POU2F1: variants seen among roughly 807,000 people sequenced by gnomAD.
POU2F1 encodes the protein POU domain, class 2, transcription factor 1.
A neutral mutation model predicts 84.9 loss-of-function variants in POU2F1; 16 were observed. The ratio of observed to expected loss-of-function variants is 0.19; its 90% CI spans 0.13 to 0.29. POU2F1 has a LOEUF of 0.29. POU2F1 is among the 10% of genes least tolerant of loss of function. The probability of loss-of-function intolerance (pLI) is 1.00; values close to 1 mark genes in which losing one functional copy is unlikely to be tolerated. For missense variants in POU2F1, 738 were observed against 942.6 expected, an observed-to-expected ratio of 0.78 and a Z score of 2.84; for synonymous variants, 368 against 368.3, an observed-to-expected ratio of 1.00 and a Z score of 0.01.
At chr1:167,384,342 C>CT (rs1033150564) in intron 8 of POU2F1, among the ~76,000 whole-genome samples, 2 of 152,048 alleles carry the variant, frequency 1.3e-5, no homozygotes, top group Admixed American at 6.6e-5. Context: ...TCTATATTTT[C>CT]TTTTTTCTCA....
intron 9 of POU2F1, among the ~76,000 whole-genome samples, chr1:167,394,936 A>G (rs970571346): frequency 1.3e-5 from 2 of 152,220 alleles, no homozygotes; most frequent in Admixed American, 1.3e-4. Flanking sequence ...GTAGGGGGGA[A>G]TCAAAAGACT....
chr1:167,339,053 A>G (rs1433467380), intron 2 of POU2F1, among the ~76,000 whole-genome samples: 2 of 152,010 alleles, frequency 1.3e-5, no homozygotes, highest in Non-Finnish European at 2.9e-5. Context: ...TGGAAAGTCC[A>G]TTTCCTTCTC....
intron 1 of POU2F1, among the ~76,000 whole-genome samples, chr1:167,309,636 C>T (rs147728575): frequency 1.3e-5 from 2 of 152,240 alleles, no homozygotes; most frequent in African/African-American, 2.4e-5. Context: ...ACTACACCAC[C>T]TTTGGTTAAT....
chr1:167,225,259 C>T (rs1426474851), intron 1 of POU2F1, among the ~76,000 whole-genome samples: 1 of 152,172 alleles, frequency 6.6e-6, no homozygotes. Flanking sequence ...AAACCATTAC[C>T]GTAAAAGCAA....
At chr1:167,221,158 G>GA (rs1261608186) in intron 1 of POU2F1, among the ~76,000 whole-genome samples, 200 bp downstream of exon 1, 2 of 151,548 alleles carry the variant, frequency 1.3e-5, no homozygotes, top group Non-Finnish European at 2.9e-5. Context: ...GGCGGAGGGG[G>GA]AAGACAAGGG....
rs1046159135 is a variant in POU2F1 at position 167,273,797 on chromosome 1, G to A, written c.61+52839G>A. ...GTATGGACAAGAACTTGAACTTGTG[G>A]TCTTTCCCCTCTCATCAGCTTCATA... On this transcript the variant is annotated intron_variant, in intron 1 of 15. Coordinates refer to ENST00000367866, the MANE Select transcript of POU2F1 (RefSeq NM_002697.4). Among the ~76,000 whole-genome samples the A allele has an allele frequency of 3.3e-5, 5 of 152,320 alleles. No individual in the cohort carries two copies. The South Asian group carries it at 6.2e-4, about 19-fold the overall frequency.
intron 1 of POU2F1, among the ~76,000 whole-genome samples, chr1:167,324,862 GT>G (rs1256691581): frequency 1.3e-5 from 2 of 152,178 alleles, no homozygotes; most frequent in African/African-American, 4.8e-5. Flanking sequence ...ATTCCGTTAA[GT>G]TATTCTAAAA....
At chr1:167,221,579 G>C (rs1357085278) in intron 1 of POU2F1, among the ~76,000 whole-genome samples, 1 of 150,104 alleles carries the variant, frequency 6.7e-6, no homozygotes, top group Non-Finnish European at 1.5e-5. Context: ...TGCCCGCCTT[G>C]GGGGGCGGCC....
chr1:167,291,728 T>C (rs1653936109), intron 1 of POU2F1, among the ~76,000 whole-genome samples: 1 of 152,184 alleles, frequency 6.6e-6, no homozygotes, highest in Admixed American at 6.5e-5. Flanking sequence ...GTATAACATT[T>C]CCTTTTACAG....
At chr1:167,397,230 C>T (rs1351625971) in intron 10 of POU2F1, among the ~76,000 whole-genome samples, 1 of 152,150 alleles carries the variant, frequency 6.6e-6, no homozygotes, top group African/African-American at 2.4e-5. Context: ...GATTTAACTT[C>T]AGAGAATTTA....
chr1:167,244,704 C>T (rs1043428706), intron 1 of POU2F1, among the ~76,000 whole-genome samples: 3 of 152,232 alleles, frequency 2.0e-5, no homozygotes, highest in African/African-American at 7.2e-5. Context: ...TATCACCTAC[C>T]TACTGAAAGC....
chr1:167,334,931 A>G (rs1226124568), intron 2 of POU2F1, among the ~76,000 whole-genome samples: 1 of 152,178 alleles, frequency 6.6e-6, no homozygotes, highest in East Asian at 1.9e-4. Flanking sequence ...ATGTTTGTGT[A>G]GATCATTTTT....
chr1:167,333,015 C>G (rs1319347526), intron 2 of POU2F1, among the ~76,000 whole-genome samples: 4 of 152,038 alleles, frequency 2.6e-5, no homozygotes, highest in Non-Finnish European at 4.4e-5. Context: ...AGATGTTAAT[C>G]AAAATAGTAA....
At chr1:167,376,567 A>G (rs986575728) in intron 7 of POU2F1, 1 of 153,810 alleles carries the variant, frequency 6.5e-6, no homozygotes, top group African/African-American at 2.4e-5. Flanking sequence ...GAAGACTGCT[A>G]TAATAGAAAC....
At chr1:167,296,102 G>A (rs1654273919) in intron 1 of POU2F1, among the ~76,000 whole-genome samples, 1 of 151,840 alleles carries the variant, frequency 6.6e-6, no homozygotes, top group Non-Finnish European at 1.5e-5. Context: ...TAGATTATTG[G>A]TGGAGACTCA....
At chr1:167,287,225 CA>C (rs1653593282) in intron 1 of POU2F1, among the ~76,000 whole-genome samples, 1 of 152,146 alleles carries the variant, frequency 6.6e-6, no homozygotes, top group Non-Finnish European at 1.5e-5. Flanking sequence ...AAATTTAAAC[CA>C]TAACTCTTTT....
In POU2F1 at chr1:167,297,463, T is replaced by A. The variant is rs77201947; in HGVS notation, c.62-35007T>A. On this transcript the variant is annotated intron_variant, in intron 1 of 15. Transcript: ENST00000367866. ...ACTGCCAGCAGCAGCCAGGGAAATA[T>A]GCTTCCTTGTTAATAATGTCCAGAG... is the stretch of plus-strand genomic sequence containing the variant. Among the ~76,000 whole-genome samples, 143 of 152,336 alleles carry A rather than the reference T, an allele frequency of 9.4e-4. No homozygotes were observed. In the East Asian group the frequency reaches 0.026, roughly 28 times the overall value.
intron 7 of POU2F1, among the ~76,000 whole-genome samples, chr1:167,378,856 G>A (rs1191679805): frequency 4.0e-5 from 6 of 151,524 alleles, no homozygotes; most frequent in Admixed American, 6.6e-5. Context: ...GAGTTCAAGC[G>A]ATTATCCTGA....
intron 1 of POU2F1, among the ~76,000 whole-genome samples, chr1:167,275,244 C>T (rs1652646139): frequency 6.6e-6 from 1 of 151,926 alleles, no homozygotes; most frequent in African/African-American, 2.4e-5. Flanking sequence ...CCAGAGTGAT[C>T]TTGAACTCCT....
Sources: gnomAD v4.1 joint callset for allele counts (sites outside exome capture counted in the v4.1 genomes callset) on GRCh38, gnomAD v4.1.1 for gene constraint, MANE v1.5 for transcripts, NCBI Gene and HGNC (gene_info 2026-07-23, HGNC 2026-07-21) for gene names.